TCF4: variants seen among roughly 807,000 people sequenced by gnomAD.
TCF4 encodes the protein SL3-3 enhancer factor 2.
In TCF4, 3 loss-of-function variants were observed where a neutral mutation model predicts 82.1. The observed-to-expected ratio is 0.04, with a 90% CI of 0.02 to 0.09. The LOEUF (loss-of-function observed/expected upper bound fraction) is 0.09, where lower values mean the gene tolerates loss of function less well. Among genes scored for constraint, TCF4 ranks in the 10% least tolerant of loss-of-function variants. The pLI is 1.00. For synonymous variants in TCF4, 276 were observed against 309.6 expected, an observed-to-expected ratio of 0.89 and a Z score of 1.14; for missense variants, 518 against 852.7, an observed-to-expected ratio of 0.61 and a Z score of 4.89.
intron 2 of TCF4, chr18:55,631,288 A>T (rs990238130): frequency 1.5e-6 from 2 of 1,293,882 alleles, no homozygotes; most frequent in African/African-American, 2.9e-5. Context: ...ACCTCAGGTG[A>T]TCCACCTACC....
intron 6 of TCF4, among the ~76,000 whole-genome samples, chr18:55,390,001 C>G (rs941204777): frequency 4.6e-5 from 7 of 151,860 alleles, no homozygotes; most frequent in Admixed American, 1.3e-4. Flanking sequence ...GAACTAATCC[C>G]GACGGACTGA....
chr18:55,266,744 G>A (rs1224610517), intron 11 of TCF4: 1 of 151,964 alleles, frequency 6.6e-6, no homozygotes, highest in African/African-American at 2.4e-5. Context: ...GTATTATAGG[G>A]CAAAAGAAAA....
chr18:55,318,118 G>A (rs922327011), intron 8 of TCF4, among the ~76,000 whole-genome samples: 16 of 152,052 alleles, frequency 1.1e-4, no homozygotes, highest in African/African-American at 1.9e-4. Flanking sequence ...TTACCATTAC[G>A]AGGACATTTC....
At chr18:55,285,160 T>C (rs913190407) in intron 8 of TCF4, among the ~76,000 whole-genome samples, 3 of 152,152 alleles carry the variant, frequency 2.0e-5, no homozygotes, top group African/African-American at 7.2e-5. Context: ...AAGGAGAAGA[T>C]GTACTCAGAA....
chr18:55,352,996 C>A (rs1462553387), intron 6 of TCF4, among the ~76,000 whole-genome samples: 1 of 152,136 alleles, frequency 6.6e-6, no homozygotes, highest in Non-Finnish European at 1.5e-5. Flanking sequence ...AGACACAAAT[C>A]ACCCCTATTT....
intron 5 of TCF4, among the ~76,000 whole-genome samples, chr18:55,452,069 C>G (rs370438262): frequency 6.6e-6 from 1 of 152,010 alleles, no homozygotes; most frequent in East Asian, 1.9e-4. Context: ...TAGAGAAAAA[C>G]TTTTTCTACT....
intron 6 of TCF4, among the ~76,000 whole-genome samples, chr18:55,365,760 T>C (rs1426768553): frequency 1.3e-5 from 2 of 151,896 alleles, no homozygotes; most frequent in Non-Finnish European, 2.9e-5. Context: ...AAATTAATGA[T>C]GCACGCCTGT....
intron 8 of TCF4, chr18:55,321,385 T>C: frequency 2.2e-6 from 1 of 456,372 alleles, no homozygotes; most frequent in Non-Finnish European, 3.9e-6. Context: ...TCATACCACC[T>C]CTCAACTTTA....
intron 6 of TCF4, among the ~76,000 whole-genome samples, chr18:55,377,440 A>G (rs573116738): frequency 6.6e-6 from 1 of 152,190 alleles, no homozygotes; most frequent in East Asian, 1.9e-4. Flanking sequence ...TGGAATATGG[A>G]ATCAAATGAT....
intron 8 of TCF4, chr18:55,302,396 T>C (rs1460966235): frequency 6.5e-7 from 1 of 1,535,960 alleles, no homozygotes; most frequent in Non-Finnish European, 8.7e-7. Context: ...TAGACCACTT[T>C]GGGGAGACTC....
At chr18:55,621,147 T>C (rs2097717563) in intron 2 of TCF4, among the ~76,000 whole-genome samples, 1 of 151,696 alleles carries the variant, frequency 6.6e-6, no homozygotes, top group Non-Finnish European at 1.5e-5. Context: ...TTTCTTCATA[T>C]AGTTACACTA....
At chr18:55,557,547 A>G (rs936943299) in intron 3 of TCF4, among the ~76,000 whole-genome samples, 1 of 152,206 alleles carries the variant, frequency 6.6e-6, no homozygotes. Context: ...TTAAAATGTA[A>G]CTTATATCAA....
intron 13 of TCF4, among the ~76,000 whole-genome samples, chr18:55,259,439 C>A (rs565816934): frequency 1.3e-5 from 2 of 152,290 alleles, no homozygotes; most frequent in South Asian, 2.1e-4. Context: ...ATCCCTTCTA[C>A]CCCACACAAT....
rs74328591 is a variant in TCF4, at chr18:55,371,519, G to A, written c.370-20516C>T. On this transcript the variant is annotated intron_variant, in intron 6 of 19. Coordinates refer to ENST00000354452, the MANE Select transcript of TCF4 (RefSeq NM_001083962.2). ...TATGTTAGTACAAAAGGAGTGCTTC[G>A]GTGAGAGCCAAGGAAGCTTTGTTTG... Among the ~76,000 whole-genome samples, 41 of 152,188 alleles carry A rather than the reference G, an allele frequency of 2.7e-4. No homozygotes were observed. The East Asian group carries it at 6.2e-3, about 23-fold the overall frequency.
At chr18:55,621,744 T>G (rs1229903935) in intron 2 of TCF4, among the ~76,000 whole-genome samples, 21 of 90,774 alleles carry the variant, frequency 2.3e-4, no homozygotes, top group African/African-American at 8.5e-4. Context: ...TACAATTGTA[T>G]TTATAATTAT....
At chr18:55,580,040 T>C (rs1477295003) in intron 3 of TCF4, among the ~76,000 whole-genome samples, 1 of 152,020 alleles carries the variant, frequency 6.6e-6, no homozygotes, top group Non-Finnish European at 1.5e-5. Context: ...CTCATTACAA[T>C]AGTAGGGTAA....
intron 8 of TCF4, among the ~76,000 whole-genome samples, chr18:55,313,976 G>A (rs529142823): frequency 1.3e-5 from 2 of 152,010 alleles, no homozygotes; most frequent in Admixed American, 6.6e-5. Flanking sequence ...GAGATAAAAC[G>A]TTGGCGATAT....
chr18:55,280,258 A>C (rs986590124), intron 8 of TCF4, among the ~76,000 whole-genome samples: 1 of 152,172 alleles, frequency 6.6e-6, no homozygotes, highest in Non-Finnish European at 1.5e-5. Context: ...AAGACCACCA[A>C]CAATCAGTGT....
intron 6 of TCF4, among the ~76,000 whole-genome samples, chr18:55,382,568 A>C (rs2092085585): frequency 6.6e-6 from 1 of 152,224 alleles, no homozygotes; most frequent in Non-Finnish European, 1.5e-5. Flanking sequence ...ACCCAAAACC[A>C]TCTTCCAAGG....
Sources: allele counts gnomAD v4.1 joint callset (sites outside exome capture counted in the v4.1 genomes callset), GRCh38; gene constraint gnomAD v4.1.1; transcripts MANE v1.5; gene names NCBI Gene and HGNC (gene_info 2026-07-23, HGNC 2026-07-21).